Variants in CEP63 observed in about 807,000 individuals in gnomAD.
CEP63 encodes the protein centrosomal protein of 63 kDa.
Under a neutral mutation model 89.1 loss-of-function variants are expected in CEP63, and 84 were observed. The ratio of observed to expected loss-of-function variants is 0.94; its 90% confidence interval spans 0.79 to 1.13. The LOEUF is 1.13. Ranked by LOEUF, CEP63 falls within the 50% of genes most tolerant of loss-of-function variation. The probability of loss-of-function intolerance (pLI) is 0.00; values close to 1 mark genes in which losing one functional copy is unlikely to be tolerated. For synonymous variants in CEP63, 267 were observed against 272.5 expected (o/e 0.98, Z 0.20); for missense variants, 838 against 813.3 (o/e 1.03, Z -0.37).
chr3:134,716,130 C>G, the CEP63 span, among the ~76,000 whole-genome samples: 1 of 152,188 alleles, frequency 6.6e-6, no homozygotes, highest in East Asian at 1.9e-4. Flanking sequence ...GGTGGCAATA[C>G]TCTCATTTAC....
Position 134,550,058 on chromosome 3 carries a change from TA to T in CEP63, c.1183-4del. The T allele has an allele frequency of 6.2e-7, 1 of 1,609,390 alleles. No homozygotes were observed. Among genetic ancestry groups the T allele is most frequent in the Non-Finnish European group, 8.5e-7 (1 of 1,175,660 alleles). On this transcript the variant is annotated splice_polypyrimidine_tract_variant and splice_region_variant and intron_variant, in intron 10 of 14. Coordinates refer to ENST00000675561, the MANE Select transcript of CEP63 (RefSeq NM_001353108.3). Reference sequence around the variant, plus strand: ...TTTGGTGCTTTCTTTTCTGCTTCTTTATAGTTGAAAGAACAGATTTTACAGG... The same window carrying T: ...TTTGGTGCTTTCTTTTCTGCTTCTTTTAGTTGAAAGAACAGATTTTACAGG...
the CEP63 span, among the ~76,000 whole-genome samples, chr3:134,617,525 A>C: frequency 1.3e-5 from 2 of 152,270 alleles, no homozygotes; most frequent in African/African-American, 4.8e-5. Context: ...TCCTGTATGC[A>C]CAGAACACAG....
chr3:134,757,363 C>G, the CEP63 span, among the ~76,000 whole-genome samples: 2 of 152,172 alleles, frequency 1.3e-5, no homozygotes, highest in Non-Finnish European at 2.9e-5. Context: ...GCTCAAACTC[C>G]CATTTCACAG....
the CEP63 span, chr3:134,619,029 C>A: frequency 1.3e-6 from 1 of 782,694 alleles, no homozygotes; most frequent in Non-Finnish European, 2.2e-6. Flanking sequence ...ACTTGGGTTC[C>A]AGAGCAGAGT....
At chr3:134,759,135 T>G in the CEP63 span, among the ~76,000 whole-genome samples, 1 of 152,198 alleles carries the variant, frequency 6.6e-6, no homozygotes, top group Admixed American at 6.5e-5. Flanking sequence ...GCAGCTCTGC[T>G]TACGCCTTGG....
At chr3:134,501,612 T>G (rs551182707) in intron 2 of CEP63, among the ~76,000 whole-genome samples, 1 of 152,196 alleles carries the variant, frequency 6.6e-6, no homozygotes, top group Non-Finnish European at 1.5e-5. Flanking sequence ...ATTGTGTTCT[T>G]GATTCAGTAC....
chr3:134,586,685 C>A (rs1217259470), intron 10 of CEP63, among the ~76,000 whole-genome samples: 2 of 152,042 alleles, frequency 1.3e-5, no homozygotes, highest in Admixed American at 1.3e-4. Context: ...TTGCTCTTCT[C>A]GAGGAGTATC....
chr3:134,494,562 T>C (rs1238071098), intron 1 of CEP63, among the ~76,000 whole-genome samples: 1 of 152,188 alleles, frequency 6.6e-6, no homozygotes, highest in Non-Finnish European at 1.5e-5. Context: ...CAAAATAATC[T>C]GCCACGTGCC....
At chr3:134,774,705 A>G in the CEP63 span, among the ~76,000 whole-genome samples, 1 of 152,196 alleles carries the variant, frequency 6.6e-6, no homozygotes, top group African/African-American at 2.4e-5. Context: ...GTTCAAGCCC[A>G]TTTGGGTCAG....
At chr3:134,641,491 A>G in the CEP63 span, among the ~76,000 whole-genome samples, 4 of 152,166 alleles carry the variant, frequency 2.6e-5, no homozygotes, top group African/African-American at 7.2e-5. Context: ...GCCACAAGCC[A>G]TGGTGGGCCT....
chr3:134,605,621 C>T, the CEP63 span, among the ~76,000 whole-genome samples: 1 of 152,174 alleles, frequency 6.6e-6, no homozygotes, highest in Non-Finnish European at 1.5e-5. Context: ...GCTGTCCCAA[C>T]CCTGTCACAT....
At chr3:134,516,490 C>T (rs1009453566) in intron 3 of CEP63, among the ~76,000 whole-genome samples, 2 of 152,142 alleles carry the variant, frequency 1.3e-5, no homozygotes, top group East Asian at 1.9e-4. Context: ...TTACGGGTGT[C>T]GGGCTGGGGG....
the CEP63 span, among the ~76,000 whole-genome samples, chr3:134,648,168 A>C: frequency 6.6e-6 from 1 of 152,218 alleles, no homozygotes; most frequent in Non-Finnish European, 1.5e-5. Context: ...AATAAAATTG[A>C]GATCCTGGCG....
chr3:134,557,889 G>A (rs1956553957), intron 12 of CEP63, among the ~76,000 whole-genome samples: 1 of 152,008 alleles, frequency 6.6e-6, no homozygotes, highest in Non-Finnish European at 1.5e-5. Flanking sequence ...CCTCCATCCT[G>A]ATTCCATCCT....
intron 2 of CEP63, among the ~76,000 whole-genome samples, chr3:134,499,256 A>G (rs1040445939): frequency 2.0e-5 from 3 of 152,074 alleles, no homozygotes; most frequent in Admixed American, 6.5e-5. Flanking sequence ...TCCGAGTTCA[A>G]TCTTGGTAGG....
the CEP63 span, among the ~76,000 whole-genome samples, chr3:134,685,396 C>T: frequency 1.3e-5 from 2 of 152,020 alleles, no homozygotes; most frequent in Admixed American, 6.6e-5. Context: ...TCTGGGGATG[C>T]CCATCTCACC....
downstream of CEP63, among the ~76,000 whole-genome samples, chr3:134,569,415 A>G (rs1339323242): frequency 6.6e-6 from 1 of 152,204 alleles, no homozygotes; most frequent in Non-Finnish European, 1.5e-5. Context: ...CCCATTCCAA[A>G]TGGGAGAAAT....
the CEP63 span, among the ~76,000 whole-genome samples, chr3:134,757,208 A>G: frequency 6.6e-6 from 1 of 152,220 alleles, no homozygotes; most frequent in Non-Finnish European, 1.5e-5. Flanking sequence ...TCCTTAGGGC[A>G]AAACTGGATG....
At chr3:134,718,794 A>G in the CEP63 span, among the ~76,000 whole-genome samples, 5 of 152,160 alleles carry the variant, frequency 3.3e-5, no homozygotes, top group Non-Finnish European at 7.3e-5. Flanking sequence ...TGGATTCCAA[A>G]GCGGATTTGA....
Sources: allele counts gnomAD v4.1 joint callset (sites outside exome capture counted in the v4.1 genomes callset), GRCh38; gene constraint gnomAD v4.1.1; transcripts MANE v1.5; gene names NCBI Gene and HGNC (gene_info 2026-07-23, HGNC 2026-07-21).